The following ERCC3 variants were observed in gnomAD, a reference collection of about 807,000 sequenced individuals.
ERCC3 encodes the protein ERCC excision repair 3, TFIIH core complex helicase subunit.
Under a neutral mutation model 94.2 loss-of-function variants are expected in ERCC3, and 66 were observed. The ratio of observed to expected loss-of-function variants is 0.70; its 90% CI spans 0.57 to 0.86. The LOEUF (loss-of-function observed/expected upper bound fraction) is 0.86. Among genes scored for constraint, ERCC3 ranks in the 40% least tolerant of loss-of-function variants. The pLI is 0.00. For synonymous variants in ERCC3, 349 were observed against 369.1 expected (o/e 0.95, Z 0.63); for missense variants, 829 against 987.1 (o/e 0.84, Z 2.15).
Position 127,257,493 on chromosome 2 carries a change from C to A in ERCC3, c.*103G>T. On this transcript the variant is annotated 3_prime_UTR_variant, in exon 15 of 15. Transcript: ENST00000285398. This position sits in a 1 kb window ranked among gnomAD's most constrained non-coding sequence, Gnocchi z 5.4. ...CTTCCTCAGCACAATTTGGCCAACG[C>A]TGGAGGGAAGGTCAAAGAGGTGGAA... 6.7e-7 allele frequency: 1 copy of A among 1,487,090 alleles called. No homozygotes were observed. The highest frequency in any genetic ancestry group is 9.4e-7 in the Non-Finnish European group (1 of 1,066,682). The allele number at this position is 1,487,090 out of a possible 1,614,324, so 92.1% of individuals were successfully genotyped here.
intron 11 of ERCC3, among the ~76,000 whole-genome samples, chr2:127,272,019 T>A (rs1453903109): frequency 7.3e-6 from 1 of 136,632 alleles, no homozygotes; most frequent in Non-Finnish European, 1.6e-5. Context: ...TTTTTTTTTT[T>A]TTTTTTTTTT....
Position 127,287,912 on chromosome 2 carries a change from C to A in ERCC3, c.1027+748G>T, listed in dbSNP as rs140403506. On this transcript the variant is annotated intron_variant, in intron 7 of 14. Coordinates refer to ENST00000285398, the MANE Select transcript of ERCC3 (RefSeq NM_000122.2). ...TCAAGCTTTTCCATTAAACAGAGAT[C>A]CTTCCTTTATTATAAAAATACACTG... Among the ~76,000 whole-genome samples the A allele has an allele frequency of 5.7e-3, 875 of 152,218 alleles. 9 individuals carry two copies. Among genetic ancestry groups the A allele is most frequent in the African/African-American group, 0.02 (830 of 41,530 alleles).
rs959852025 is a variant in ERCC3 at position 127,291,502 on chromosome 2, C to G, written c.471+1108G>C. ...TCTTGAACTCCTGACCCCAGGTGGT[C>G]CACCCACCTCAGCCACCCAAAGTGC... On this transcript the variant is annotated intron_variant, in intron 3 of 14. Transcript: ENST00000285398. This position sits in a 1 kb window ranked among gnomAD's most constrained non-coding sequence, Gnocchi z 4.9. Among the ~76,000 whole-genome samples, 1 of 152,142 alleles carries G rather than the reference C, an allele frequency of 6.6e-6. No homozygotes were observed. The highest frequency in any genetic ancestry group is 1.5e-5 in the Non-Finnish European group (1 of 68,022).
rs535501554 is a variant in ERCC3, at chr2:127,280,700, TA to T, written c.1343-70del. ...TATTTTTTATTTATTTATTTTAAAA[TA>T]TTTTTTGTAGAGATGGGGTCTCATT... is the stretch of plus-strand genomic sequence containing the variant. On this transcript the variant is annotated intron_variant, in intron 8 of 14. Coordinates refer to ENST00000285398, the MANE Select transcript of ERCC3 (RefSeq NM_000122.2). The surrounding 1 kb of genome is among the most constrained non-coding windows in gnomAD (Gnocchi z 6.3). The T allele has an allele frequency of 7.2e-5, 101 of 1,393,478 alleles. No individual in the cohort carries two copies. Among genetic ancestry groups the T allele is most frequent in the Non-Finnish European group, 9.4e-5 (95 of 1,009,900 alleles). 86.3% of individuals were successfully genotyped at this position (1,393,478 alleles called of 1,614,324 possible).
chr2:127,294,138 C>T lies in ERCC3; in HGVS notation c.-57G>A, dbSNP rs923613974. ...CGCTCCCACAGGCCCGCCGCGGCAT[C>T]CGCTCTGGGGGGACTTCCGGCTCAA... is the stretch of plus-strand genomic sequence containing the variant. On this transcript the variant is annotated 5_prime_UTR_variant, in exon 1 of 15. Transcript: ENST00000285398. 2.5e-6 allele frequency: 4 copies of T among 1,587,886 alleles called. No individual in the cohort carries two copies. The African/African-American group carries it at 4.0e-5, about 16-fold the overall frequency.
Position 127,286,832 on chromosome 2 carries a change from C to T in ERCC3, c.1213G>A (p.Val405Ile), listed in dbSNP as rs373790042. The T allele has an allele frequency of 1.6e-5, 26 of 1,614,082 alleles. No individual in the cohort carries two copies. The highest frequency in any genetic ancestry group is 6.7e-5 in the African/African-American group (5 of 74,922). Reference sequence around the variant, plus strand: ...AGCATGGAGTAGGTGCTAATGGCAACGGAGCAGCCGATGGGCTTGTCCTTG... The same window carrying T: ...AGCATGGAGTAGGTGCTAATGGCAATGGAGCAGCCGATGGGCTTGTCCTTG... ...DAKDKPIGCSVAISTYSMLGH... is the reference protein window; with the variant it reads ...DAKDKPIGCSIAISTYSMLGH... The change falls in exon 8 of 15, where the codon GTT becomes ATT. Residue 405 changes from valine (V) to isoleucine (I), a missense_variant. Coordinates refer to ENST00000285398, the MANE Select transcript of ERCC3 (RefSeq NM_000122.2).
Position 127,258,320 on chromosome 2 carries a change from G to A in ERCC3, c.2218-593C>T, listed in dbSNP as rs1684083781. Among the ~76,000 whole-genome samples, 1 of 152,190 alleles carries A rather than the reference G, an allele frequency of 6.6e-6. No homozygotes were observed. Among genetic ancestry groups the A allele is most frequent in the South Asian group, 2.1e-4 (1 of 4,832 alleles). On this transcript the variant is annotated intron_variant, in intron 14 of 14. Transcript: ENST00000285398. The surrounding 1 kb of genome is among the most constrained non-coding windows in gnomAD (Gnocchi z 4.1). ...AGGCTTTGAATCAAGTGGAAGGACA[G>A]AAAGCCCTGGGCTTGACTCTTGGCT...
chr2:127,277,691 A>G lies in ERCC3; in HGVS notation c.1730+1482T>C, dbSNP rs970138153. ...GGCAACAGAGCAAGACTCCGTCTCA[A>G]AAAAAAAAGGAAAATGTAATAGTAC... On this transcript the variant is annotated intron_variant, in intron 10 of 14. Coordinates refer to ENST00000285398, the MANE Select transcript of ERCC3 (RefSeq NM_000122.2). This position sits in a 1 kb window ranked among gnomAD's most constrained non-coding sequence, Gnocchi z 5.1. Among the ~76,000 whole-genome samples, 14 of 151,208 alleles carry G rather than the reference A, an allele frequency of 9.3e-5. No individual in the cohort carries two copies. Among genetic ancestry groups the G allele is most frequent in the Non-Finnish European group, 1.8e-4 (12 of 67,730 alleles).
chr2:127,266,495 AC>A (rs1317224024), intron 12 of ERCC3, among the ~76,000 whole-genome samples: 2 of 149,556 alleles, frequency 1.3e-5, no homozygotes, highest in Non-Finnish European at 3.0e-5. Flanking sequence ...GCCACCACAC[AC>A]CCGGCTAATT....
intron 1 of ERCC3, 82 bp downstream of exon 1, chr2:127,293,972 G>C: frequency 6.4e-7 from 1 of 1,565,330 alleles, no homozygotes; most frequent in East Asian, 2.4e-5. Flanking sequence ...CCGGCGCAGA[G>C]GCCCGGAGCA....
intron 8 of ERCC3, among the ~76,000 whole-genome samples, chr2:127,285,952 T>G (rs1299620033): frequency 6.6e-6 from 1 of 151,642 alleles, no homozygotes; most frequent in Non-Finnish European, 1.5e-5. Flanking sequence ...GGTGATTTTA[T>G]GGTATATAAA....
intron 7 of ERCC3, among the ~76,000 whole-genome samples, chr2:127,287,527 G>A (rs1296289036): frequency 6.6e-6 from 1 of 152,126 alleles, no homozygotes; most frequent in African/African-American, 2.4e-5. Context: ...CCGGTCACTT[G>A]GGAGGCTGAG....
chr2:127,269,417 C>CTTT lies in ERCC3; in HGVS notation c.1945+1916_1945+1918dup, dbSNP rs70985445. On this transcript the variant is annotated intron_variant, in intron 12 of 14. Transcript: ENST00000285398. ...TTGAGTAAGAAAACAATTCTATTCA[C>CTTT]TTTTTTTTTTTTTTTTTTTTTTGAG... Among the ~76,000 whole-genome samples the CTTT allele has an allele frequency of 1.6e-3, 186 of 113,546 alleles. 3 individuals carry two copies. Among genetic ancestry groups the CTTT allele is most frequent in the African/African-American group, 5.8e-3 (168 of 29,052 alleles). The allele number at this position is 113,546 out of a possible 152,430, so 74.5% of individuals were successfully genotyped here.
intron 12 of ERCC3, among the ~76,000 whole-genome samples, chr2:127,269,789 G>A (rs1684493049): frequency 1.3e-5 from 2 of 151,686 alleles, no homozygotes; most frequent in Admixed American, 1.3e-4. Flanking sequence ...CCAGCACTTT[G>A]GGAGGCCAAG....
chr2:127,280,603 G>A lies in ERCC3; in HGVS notation c.1371C>T (p.Ile457=), dbSNP rs769083884. 28 of 1,614,076 alleles carry A rather than the reference G, an allele frequency of 1.7e-5. No individual in the cohort carries two copies. The highest frequency in any genetic ancestry group is 1.1e-4 in the East Asian group (5 of 44,902). The change falls in exon 9 of 15, where the codon ATC becomes ATT. Residue 457 remains isoleucine (I), a synonymous_variant. Transcript: ENST00000285398. This position sits in a 1 kb window ranked among gnomAD's most constrained non-coding sequence, Gnocchi z 6.3. ...AACCCAGCTTACAGTGGGCCTGCACGATGGTGAGCACCCTTCGGAACATCT... is the reference window on the plus strand; with the variant it reads ...AACCCAGCTTACAGTGGGCCTGCACAATGGTGAGCACCCTTCGGAACATCT... ...PAKMFRRVLT[I]VQAHCKLGLT...
intron 12 of ERCC3, among the ~76,000 whole-genome samples, chr2:127,268,762 C>A (rs1226187848): frequency 6.6e-6 from 1 of 152,194 alleles, no homozygotes; most frequent in Non-Finnish European, 1.5e-5. Context: ...TCTTGTACAG[C>A]AGGAAGAGTC....
rs1413006853 is a variant in ERCC3, at chr2:127,271,764, G to C, written c.1828-311C>G. Among the ~76,000 whole-genome samples, 2 of 152,222 alleles carry C rather than the reference G, an allele frequency of 1.3e-5. No individual in the cohort carries two copies. Among genetic ancestry groups the C allele is most frequent in the South Asian group, 2.1e-4 (1 of 4,820 alleles). ...GGGCCCTTGAACAGAGACTGACTTT[G>C]AGTCATTCATTTTTTTGGCTACAGA... On this transcript the variant is annotated intron_variant, in intron 11 of 14. Transcript: ENST00000285398. This position sits in a 1 kb window ranked among gnomAD's most constrained non-coding sequence, Gnocchi z 5.0.
At chr2:127,270,799 A>G (rs1018322519) in intron 12 of ERCC3, among the ~76,000 whole-genome samples, 2 of 152,168 alleles carry the variant, frequency 1.3e-5, no homozygotes, top group Non-Finnish European at 2.9e-5. Flanking sequence ...ACGCCTCCTC[A>G]GAAAAAGCCT....
intron 10 of ERCC3, among the ~76,000 whole-genome samples, chr2:127,275,103 C>G (rs1684691772): frequency 6.6e-6 from 1 of 152,212 alleles, no homozygotes; most frequent in Non-Finnish European, 1.5e-5. Flanking sequence ...TTGGTGATAC[C>G]AATGCCTTTC....
Sources: gnomAD v4.1 joint callset for allele counts (sites outside exome capture counted in the v4.1 genomes callset) on GRCh38, gnomAD v4.1.1 for gene constraint, Gnocchi (gnomAD v3.1) non-coding constraint, MANE v1.5 for transcripts, NCBI Gene and HGNC (gene_info 2026-07-23, HGNC 2026-07-21) for gene names.